Variants in FOXP2 observed in about 807,000 individuals in gnomAD.
The protein encoded by FOXP2 is forkhead box protein P2.
A neutral mutation model predicts 115.8 loss-of-function variants in FOXP2; 12 were observed. The ratio of observed to expected loss-of-function variants is 0.10; its 90% CI spans 0.07 to 0.17. FOXP2 has a LOEUF of 0.17. FOXP2 is among the 10% of genes least tolerant of loss of function. The pLI is 1.00. For synonymous variants in FOXP2, 328 were observed against 297.7 expected, an observed-to-expected ratio of 1.10 and a Z score of -1.05; for missense variants, 629 against 843.5, an observed-to-expected ratio of 0.75 and a Z score of 3.15.
At chr7:114,384,935 T>C (rs944332370) in intron 2 of FOXP2, among the ~76,000 whole-genome samples, 2 of 152,086 alleles carry the variant, frequency 1.3e-5, no homozygotes, top group Admixed American at 6.6e-5. Context: ...TTATCAATTA[T>C]AGGTTTTAAA....
chr7:114,201,589 T>C (rs1482610109), intron 1 of FOXP2, among the ~76,000 whole-genome samples: 2 of 152,182 alleles, frequency 1.3e-5, no homozygotes, highest in Non-Finnish European at 2.9e-5. Flanking sequence ...TATCGTACCT[T>C]CTCTATTAAA....
At chr7:114,433,848 A>AAT (rs1794220948) in intron 2 of FOXP2, among the ~76,000 whole-genome samples, 1 of 152,038 alleles carries the variant, frequency 6.6e-6, no homozygotes, top group South Asian at 2.1e-4. Context: ...GGCTTACATG[A>AAT]ATATTAGTCA....
chr7:114,660,751 T>C lies in FOXP2; in HGVS notation c.1647+1078T>C, dbSNP rs1388840996. On this transcript the variant is annotated intron_variant, in intron 13 of 16. Transcript: ENST00000350908. ...GGGTTTTCAGTAAGTAATATTTATG[T>C]TGAAGATTTACATTTTCTTTTGTTA... 5.9e-5 allele frequency among the ~76,000 whole-genome samples: 9 copies of C among 152,280 alleles called. No individual in the cohort carries two copies. The Middle Eastern group carries it at 0.01, about 173-fold the overall frequency.
At chr7:114,490,950 G>C (rs1338764834) in intron 2 of FOXP2, among the ~76,000 whole-genome samples, 2 of 152,228 alleles carry the variant, frequency 1.3e-5, no homozygotes, top group African/African-American at 2.4e-5. Flanking sequence ...ATTGTGAATA[G>C]TGCCGTAATA....
At chr7:114,662,267 G>C (rs879040290) in intron 14 of FOXP2, 81 bp downstream of exon 14, 1 of 1,582,274 alleles carries the variant, frequency 6.3e-7, no homozygotes, top group Non-Finnish European at 8.7e-7. Context: ...CTGGGGTGGG[G>C]AGACAGTTAG....
At chr7:114,098,517 T>C (rs1289349288) in intron 1 of FOXP2, among the ~76,000 whole-genome samples, 1 of 152,160 alleles carries the variant, frequency 6.6e-6, no homozygotes, top group Non-Finnish European at 1.5e-5. Context: ...ACTGGATTTC[T>C]GCATGCAAAA....
At chr7:114,536,092 C>A (rs561541795) in intron 3 of FOXP2, among the ~76,000 whole-genome samples, 1 of 151,536 alleles carries the variant, frequency 6.6e-6, no homozygotes, top group African/African-American at 2.4e-5. Flanking sequence ...ATAGAAGTCA[C>A]AGAAGATAGC....
At chr7:114,595,128 A>G (rs1202631908) in intron 3 of FOXP2, among the ~76,000 whole-genome samples, 4 of 152,020 alleles carry the variant, frequency 2.6e-5, no homozygotes, top group Non-Finnish European at 5.9e-5. Context: ...TATCAAATTG[A>G]TTATATCGTA....
At chr7:114,602,964 C>T (rs1364104069) in intron 3 of FOXP2, among the ~76,000 whole-genome samples, 1 of 151,992 alleles carries the variant, frequency 6.6e-6, no homozygotes, top group Non-Finnish European at 1.5e-5. Flanking sequence ...TGAAATAGCC[C>T]TAAAAATAAC....
At chr7:114,195,782 G>A (rs1014344288) in intron 1 of FOXP2, among the ~76,000 whole-genome samples, 2 of 152,020 alleles carry the variant, frequency 1.3e-5, no homozygotes, top group African/African-American at 4.8e-5. Flanking sequence ...ATGTTGACTG[G>A]ATTTTAGTGT....
intron 2 of FOXP2, among the ~76,000 whole-genome samples, chr7:114,488,132 G>T (rs1796876521): frequency 6.6e-6 from 1 of 152,106 alleles, no homozygotes; most frequent in African/African-American, 2.4e-5. Flanking sequence ...CAAAGGGGAG[G>T]CAAGACATGT....
At chr7:114,621,732 C>A (rs1169366056) in intron 3 of FOXP2, among the ~76,000 whole-genome samples, 1 of 151,924 alleles carries the variant, frequency 6.6e-6, no homozygotes, top group Non-Finnish European at 1.5e-5. Context: ...AAAAGCAAGG[C>A]AGTTTATAGC....
At chr7:114,136,397 G>T (rs997792777) in intron 1 of FOXP2, among the ~76,000 whole-genome samples, 6 of 151,958 alleles carry the variant, frequency 3.9e-5, no homozygotes, top group Non-Finnish European at 7.4e-5. Flanking sequence ...TGATTAATTT[G>T]ATTTTCAGAA....
intron 1 of FOXP2, among the ~76,000 whole-genome samples, chr7:114,187,548 A>T (rs776920): frequency 0.85 from 129,308 of 152,172 alleles, 55,520 homozygotes; most frequent in Non-Finnish European, 0.92. Context: ...TTTCCCTACA[A>T]CTCTTCTTCT....
At chr7:114,622,151 G>A (rs561817266) in intron 3 of FOXP2, among the ~76,000 whole-genome samples, 96 of 151,976 alleles carry the variant, frequency 6.3e-4, no homozygotes, top group African/African-American at 2.2e-3. Flanking sequence ...TAATATCTGA[G>A]GTTCTACTGT....
intron 3 of FOXP2, among the ~76,000 whole-genome samples, chr7:114,624,917 C>A (rs377153507): frequency 6.6e-6 from 1 of 150,800 alleles, no homozygotes; most frequent in East Asian, 1.9e-4. Context: ...AGGATAATAC[C>A]TAAATTTTTT....
At chr7:114,125,398 C>T (rs115975393) in intron 1 of FOXP2, among the ~76,000 whole-genome samples, 1,543 of 152,068 alleles carry the variant, frequency 0.01, 28 homozygotes, top group African/African-American at 0.036. Context: ...TTATTCCATC[C>T]CTTTAAATAG....
chr7:114,411,450 A>G (rs1793160532), upstream of FOXP2, among the ~76,000 whole-genome samples: 1 of 152,154 alleles, frequency 6.6e-6, no homozygotes, highest in African/African-American at 2.4e-5. Flanking sequence ...GAAGGTAAGC[A>G]TAACGCTCAA....
At chr7:114,342,669 T>G (rs780247534) in intron 2 of FOXP2, among the ~76,000 whole-genome samples, 3 of 151,584 alleles carry the variant, frequency 2.0e-5, no homozygotes, top group Non-Finnish European at 4.4e-5. Flanking sequence ...AAAGTTATTT[T>G]CTGTCCACTG....
Sources: allele counts gnomAD v4.1 joint callset (sites outside exome capture counted in the v4.1 genomes callset), GRCh38; gene constraint gnomAD v4.1.1; transcripts MANE v1.5; gene names NCBI Gene and HGNC (gene_info 2026-07-23, HGNC 2026-07-21).